Variants in KCNB2 observed in about 807,000 individuals in gnomAD.
KCNB2 encodes delayed rectifier potassium channel protein.
Under a neutral mutation model 61.5 loss-of-function variants are expected in KCNB2, and 15 were observed. That is an observed-to-expected ratio of 0.24 (90% confidence interval 0.16 to 0.38). The LOEUF (loss-of-function observed/expected upper bound fraction) is 0.38, where lower values mean the gene tolerates loss of function less well. Ranked by LOEUF, KCNB2 falls within the 10% of genes least tolerant of loss-of-function variation. KCNB2 has a pLI of 1.00. For synonymous variants in KCNB2, 457 were observed against 446.0 expected (o/e 1.02, Z -0.31); for missense variants, 828 against 1,125.2 (o/e 0.74, Z 3.78).
chr8:72,885,089 C>A (rs1224234705), intron 2 of KCNB2, among the ~76,000 whole-genome samples: 4 of 151,978 alleles, frequency 2.6e-5, no homozygotes, highest in Admixed American at 6.6e-5. Flanking sequence ...TTTTTGGTGT[C>A]TATTGATATG....
At chr8:72,723,428 G>A (rs1807583711) in intron 2 of KCNB2, among the ~76,000 whole-genome samples, 1 of 152,162 alleles carries the variant, frequency 6.6e-6, no homozygotes, top group South Asian at 2.1e-4. Context: ...TTTCTTCAGT[G>A]TCCACTATAA....
At chr8:72,660,372 T>G (rs1446780193) in intron 2 of KCNB2, among the ~76,000 whole-genome samples, 2 of 152,184 alleles carry the variant, frequency 1.3e-5, no homozygotes, top group Non-Finnish European at 2.9e-5. Flanking sequence ...CCTTACCCCA[T>G]CAGGGTGGCA....
At position 72,899,317 on chromosome 8, in the gene KCNB2, C is replaced by T. The variant is rs192221499; in HGVS notation, c.580-36618C>T. On this transcript the variant is annotated intron_variant, in intron 2 of 2. Transcript: ENST00000523207. Reference sequence around the variant, plus strand: ...AATGAGCAAAAGATGGAATCATTCCCCTTGAGGGGAATGATGGCCACTCTC... The same window carrying T: ...AATGAGCAAAAGATGGAATCATTCCTCTTGAGGGGAATGATGGCCACTCTC... Among the ~76,000 whole-genome samples the T allele has an allele frequency of 8.5e-5, 13 of 152,180 alleles. No individual in the cohort carries two copies. The East Asian group carries it at 2.5e-3, about 29-fold the overall frequency.
At chr8:72,920,400 C>T (rs889629355) in intron 2 of KCNB2, among the ~76,000 whole-genome samples, 1 of 147,978 alleles carries the variant, frequency 6.8e-6, no homozygotes, top group African/African-American at 2.5e-5. Context: ...AGGCAAATCA[C>T]TTGACCAGCC....
In KCNB2 at chr8:72,577,305, A is replaced by ATGTG. The variant is rs35626904; in HGVS notation, c.579+9005_579+9008dup. Among the ~76,000 whole-genome samples, 341 of 150,396 alleles carry ATGTG rather than the reference A, an allele frequency of 2.3e-3. 2 individuals are homozygous for ATGTG. Among genetic ancestry groups the ATGTG allele is most frequent in the South Asian group, 9.7e-3 (46 of 4,720 alleles). ...TGTGCCCATGTGTATGTGTGTGTGT[A>ATGTG]TGTGTGTGTGTGTGTGAGAAAGAGA... On this transcript the variant is annotated intron_variant, in intron 2 of 2. Transcript: ENST00000523207.
intron 2 of KCNB2, among the ~76,000 whole-genome samples, chr8:72,650,337 T>C (rs1806193826): frequency 6.6e-6 from 1 of 152,102 alleles, no homozygotes; most frequent in Non-Finnish European, 1.5e-5. Context: ...TCACCTCCTA[T>C]CTCCCACTTA....
chr8:72,707,550 G>A (rs1046300124), intron 2 of KCNB2, among the ~76,000 whole-genome samples: 2 of 152,122 alleles, frequency 1.3e-5, no homozygotes, highest in Non-Finnish European at 2.9e-5. Context: ...AGTATCAGAA[G>A]GCCTGACCCC....
intron 2 of KCNB2, among the ~76,000 whole-genome samples, chr8:72,784,359 C>T (rs1024742601): frequency 6.6e-6 from 1 of 152,124 alleles, no homozygotes; most frequent in African/African-American, 2.4e-5. Context: ...CAGTATTTGT[C>T]TTTCTGTGTC....
At chr8:72,715,175 C>T (rs1183453625) in intron 2 of KCNB2, among the ~76,000 whole-genome samples, 2 of 152,172 alleles carry the variant, frequency 1.3e-5, no homozygotes, top group Admixed American at 6.5e-5. Flanking sequence ...TCCTTAGTGA[C>T]CTACAAAGAG....
At chr8:72,591,758 C>G (rs1445816919) in intron 2 of KCNB2, among the ~76,000 whole-genome samples, 2 of 152,104 alleles carry the variant, frequency 1.3e-5, no homozygotes, top group African/African-American at 4.8e-5. Flanking sequence ...ATTGTCATAT[C>G]TCATTCAACT....
intron 1 of KCNB2, among the ~76,000 whole-genome samples, chr8:72,561,778 G>GT (rs1563523646): frequency 0.097 from 3,333 of 34,206 alleles, 777 homozygotes; most frequent in Middle Eastern, 0.17. Context: ...TATATATATG[G>GT]ATATATATAT....
At position 72,715,984 on chromosome 8, in the gene KCNB2, C is replaced by T. The variant is rs1297078436; in HGVS notation, c.579+147671C>T. 2.6e-5 allele frequency among the ~76,000 whole-genome samples: 4 copies of T among 152,136 alleles called. No homozygotes were observed. In the East Asian group the frequency reaches 7.7e-4, roughly 29 times the overall value. On this transcript the variant is annotated intron_variant, in intron 2 of 2. Transcript: ENST00000523207. The stretch of plus-strand genomic sequence containing the variant: ...ATAAAAAATGACAAAGGGGATATCA[C>T]CACCGATCCCACAGAAATACAAACT...
At chr8:72,551,704 C>T (rs925865993) in intron 1 of KCNB2, among the ~76,000 whole-genome samples, 5 of 152,096 alleles carry the variant, frequency 3.3e-5, no homozygotes, top group East Asian at 1.9e-4. Flanking sequence ...GGCACTTACC[C>T]CAAATCTAAC....
intron 1 of KCNB2, among the ~76,000 whole-genome samples, chr8:72,559,855 A>G (rs1033663304): frequency 1.3e-5 from 2 of 152,194 alleles, no homozygotes; most frequent in African/African-American, 4.8e-5. Context: ...GTGTATAGAC[A>G]ACTAGAGATC....
chr8:72,888,262 C>T (rs1805838641), intron 2 of KCNB2, among the ~76,000 whole-genome samples: 1 of 152,074 alleles, frequency 6.6e-6, no homozygotes. Flanking sequence ...CCACCACACC[C>T]TGGGTTAATT....
intron 2 of KCNB2, among the ~76,000 whole-genome samples, chr8:72,584,564 A>G (rs1349879090): frequency 6.6e-6 from 1 of 152,208 alleles, no homozygotes; most frequent in Non-Finnish European, 1.5e-5. Flanking sequence ...AAAAATATAT[A>G]TTTTTTAAAT....
chr8:72,926,054 A>G (rs1258069784), intron 2 of KCNB2, among the ~76,000 whole-genome samples: 2 of 152,194 alleles, frequency 1.3e-5, no homozygotes, highest in African/African-American at 4.8e-5. Flanking sequence ...ATGAGAACAC[A>G]TGGACACATT....
intron 2 of KCNB2, among the ~76,000 whole-genome samples, chr8:72,741,943 A>C (rs1468503044): frequency 2.6e-5 from 4 of 152,214 alleles, no homozygotes; most frequent in Admixed American, 2.0e-4. Context: ...GATTCCTTAA[A>C]GATCTGAAAG....
chr8:72,539,901 C>T (rs1216408636), intron 1 of KCNB2, among the ~76,000 whole-genome samples: 1 of 152,096 alleles, frequency 6.6e-6, no homozygotes, highest in African/African-American at 2.4e-5. Context: ...GGGCAACTTC[C>T]TGCCTTTTTA....
Sources: gnomAD v4.1 joint callset for allele counts (sites outside exome capture counted in the v4.1 genomes callset) on GRCh38, gnomAD v4.1.1 for gene constraint, MANE v1.5 for transcripts, NCBI Gene and HGNC (gene_info 2026-07-23, HGNC 2026-07-21) for gene names.